COL25A1: variants seen among roughly 807,000 people sequenced by gnomAD.
The protein encoded by COL25A1 is collagen alpha-1(XXV) chain.
COL25A1 carries 103 observed loss-of-function variants against 128.4 expected under a neutral mutation model. That is an observed-to-expected ratio of 0.80 (90% confidence interval 0.68 to 0.94). The LOEUF (loss-of-function observed/expected upper bound fraction) is 0.94, where lower values mean the gene tolerates loss of function less well. Among genes scored for constraint, COL25A1 ranks in the 40% least tolerant of loss-of-function variants. COL25A1 has a pLI of 0.00. For missense variants in COL25A1, 745 were observed against 840.0 expected (o/e 0.89, Z 1.40); for synonymous variants, 279 against 277.2 (o/e 1.01, Z -0.06).
intron 8 of COL25A1, among the ~76,000 whole-genome samples, chr4:108,949,679 G>T (rs58605736): frequency 2.5e-4 from 38 of 151,990 alleles, no homozygotes; most frequent in Non-Finnish European, 4.4e-4. Flanking sequence ...AACTAAAGGC[G>T]TGTGCCACCA....
At chr4:109,162,379 T>G (rs189170559) in intron 3 of COL25A1, among the ~76,000 whole-genome samples, 1 of 152,286 alleles carries the variant, frequency 6.6e-6, no homozygotes, top group East Asian at 1.9e-4. Context: ...TTTGTTAAGG[T>G]CAGCAGTCTA....
At chr4:109,290,980 A>G (rs544382622) in intron 3 of COL25A1, among the ~76,000 whole-genome samples, 14 of 152,266 alleles carry the variant, frequency 9.2e-5, no homozygotes, top group Admixed American at 9.2e-4. Flanking sequence ...CCAGTTAAAA[A>G]AGAAGTCATT....
In COL25A1 at chr4:108,809,321, TA is replaced by T. The variant is rs1338343589; in HGVS notation, c.*4605del. ...TAATATTTTCTAAAGAAAAATCAGA[TA>T]CATACATCTTTTAAAATGTTATTAA... is the stretch of plus-strand genomic sequence containing the variant. On this transcript the variant is annotated 3_prime_UTR_variant, in exon 38 of 38. Coordinates refer to ENST00000399132, the MANE Select transcript of COL25A1 (RefSeq NM_198721.4). The T allele has an allele frequency of 6.6e-6, 1 of 152,068 alleles. No individual in the cohort carries two copies. The highest frequency in any genetic ancestry group is 1.5e-5 in the Non-Finnish European group (1 of 67,950). The allele number at this position is 152,068 out of a possible 1,614,324, so 9.4% of individuals were successfully genotyped here.
intron 3 of COL25A1, among the ~76,000 whole-genome samples, chr4:109,231,618 G>A (rs6813392): frequency 0.39 from 58,707 of 151,968 alleles, 12,439 homozygotes; most frequent in African/African-American, 0.55. Flanking sequence ...AGCTCTGCTT[G>A]CTTTATGTTT....
intron 3 of COL25A1, among the ~76,000 whole-genome samples, chr4:109,244,263 A>G (rs767544502): frequency 1.3e-5 from 2 of 152,080 alleles, no homozygotes; most frequent in African/African-American, 4.8e-5. Context: ...CAGTGTCTAC[A>G]CTGTGAATTA....
At chr4:108,927,393 A>T (rs1178504538) in intron 11 of COL25A1, among the ~76,000 whole-genome samples, 1 of 152,200 alleles carries the variant, frequency 6.6e-6, no homozygotes, top group East Asian at 1.9e-4. Context: ...AATGGAAAAA[A>T]TGAATGAATG....
intron 6 of COL25A1, among the ~76,000 whole-genome samples, chr4:108,983,958 G>A (rs1219887550): frequency 6.6e-6 from 1 of 152,146 alleles, no homozygotes; most frequent in African/African-American, 2.4e-5. Flanking sequence ...GACTCGGGCA[G>A]CCTGCTTTTA....
chr4:109,082,617 T>C (rs575578264), intron 3 of COL25A1, among the ~76,000 whole-genome samples: 1 of 152,334 alleles, frequency 6.6e-6, no homozygotes, highest in Non-Finnish European at 1.5e-5. Flanking sequence ...TCTATTCAGA[T>C]CTTTTGACCA....
intron 6 of COL25A1, among the ~76,000 whole-genome samples, chr4:108,999,004 T>G (rs923595399): frequency 1.3e-5 from 2 of 152,188 alleles, no homozygotes; most frequent in African/African-American, 4.8e-5. Context: ...CCTAACATCA[T>G]AAAAATGCTA....
At chr4:109,273,761 G>A (rs1025579243) in intron 3 of COL25A1, among the ~76,000 whole-genome samples, 3 of 151,902 alleles carry the variant, frequency 2.0e-5, no homozygotes, top group Non-Finnish European at 2.9e-5. Context: ...CTCCACCTTG[G>A]GCAAAGAGCC....
chr4:108,998,501 G>A (rs1005883277), intron 6 of COL25A1, among the ~76,000 whole-genome samples: 3 of 152,112 alleles, frequency 2.0e-5, no homozygotes, highest in African/African-American at 7.2e-5. Flanking sequence ...CCATGCTCAT[G>A]GATAGGAAGA....
chr4:109,026,536 A>T (rs1186967338), intron 5 of COL25A1, among the ~76,000 whole-genome samples: 1 of 152,198 alleles, frequency 6.6e-6, no homozygotes, highest in Non-Finnish European at 1.5e-5. Context: ...AAAGGTTCAG[A>T]GGCTGGTTAT....
At chr4:109,188,428 A>T (rs915807269) in intron 3 of COL25A1, among the ~76,000 whole-genome samples, 1 of 152,082 alleles carries the variant, frequency 6.6e-6, no homozygotes, top group African/African-American at 2.4e-5. Context: ...TTTTTTCATG[A>T]TTTCATATTC....
intron 30 of COL25A1, among the ~76,000 whole-genome samples, chr4:108,843,148 C>CAAAAAAAAA (rs540931971): frequency 2.3e-5 from 2 of 88,306 alleles, no homozygotes; most frequent in African/African-American, 4.6e-5. Context: ...GACCCTGTCT[C>CAAAAAAAAA]AAAAAAAAAA....
intron 3 of COL25A1, among the ~76,000 whole-genome samples, chr4:109,223,399 C>T (rs58325010): frequency 0.083 from 12,187 of 147,390 alleles, 985 homozygotes; most frequent in African/African-American, 0.22. Flanking sequence ...TTCCACATTT[C>T]CCCCCCCCAA....
At chr4:109,011,385 G>A (rs1756573771) in intron 5 of COL25A1, among the ~76,000 whole-genome samples, 1 of 151,442 alleles carries the variant, frequency 6.6e-6, no homozygotes, top group South Asian at 2.1e-4. Context: ...ACTGGGGATA[G>A]AACAGATGAT....
chr4:108,849,865 G>A (rs528547379), intron 26 of COL25A1, among the ~76,000 whole-genome samples: 1 of 152,168 alleles, frequency 6.6e-6, no homozygotes, highest in East Asian at 1.9e-4. Flanking sequence ...GAGCTATGAG[G>A]TACAGCATGA....
At chr4:109,127,811 T>C (rs1354478562) in intron 3 of COL25A1, among the ~76,000 whole-genome samples, 1 of 152,330 alleles carries the variant, frequency 6.6e-6, no homozygotes, top group East Asian at 1.9e-4. Context: ...AGGACGCTGC[T>C]TTGCGAGTAG....
At chr4:108,961,989 G>C (rs982603606) in intron 8 of COL25A1, among the ~76,000 whole-genome samples, 1 of 152,146 alleles carries the variant, frequency 6.6e-6, no homozygotes, top group Non-Finnish European at 1.5e-5. Context: ...TATTCAGGCT[G>C]ACATGTTCTT....
Sources: allele counts gnomAD v4.1 joint callset (sites outside exome capture counted in the v4.1 genomes callset), GRCh38; gene constraint gnomAD v4.1.1; transcripts MANE v1.5; gene names NCBI Gene and HGNC (gene_info 2026-07-23, HGNC 2026-07-21).